The following TCAIM variants were observed in gnomAD, a reference collection of about 807,000 sequenced individuals.
TCAIM encodes T-cell activation inhibitor, mitochondrial.
TCAIM carries 36 observed loss-of-function variants against 58.6 expected under a neutral mutation model. The observed-to-expected ratio is 0.61, with a 90% CI of 0.47 to 0.81. The LOEUF (loss-of-function observed/expected upper bound fraction) is 0.81, where lower values mean the gene tolerates loss of function less well. TCAIM is among the 30% of genes least tolerant of loss of function. The pLI is 0.00. For synonymous variants in TCAIM, 172 were observed against 193.6 expected, an observed-to-expected ratio of 0.89 and a Z score of 0.93; for missense variants, 466 against 579.6, an observed-to-expected ratio of 0.80 and a Z score of 2.01.
At chr3:44,365,490 G>A (rs778958523) in intron 4 of TCAIM, among the ~76,000 whole-genome samples, 13 of 152,018 alleles carry the variant, frequency 8.6e-5, no homozygotes, top group Non-Finnish European at 1.6e-4. Context: ...CACCACACCC[G>A]CTAATTTTTG....
chr3:44,380,849 G>A (rs960116211), intron 5 of TCAIM, among the ~76,000 whole-genome samples: 1 of 152,010 alleles, frequency 6.6e-6, no homozygotes, highest in African/African-American at 2.4e-5. Flanking sequence ...CAGAAATAAA[G>A]ATTATAAGAG....
intron 5 of TCAIM, among the ~76,000 whole-genome samples, chr3:44,373,402 A>G (rs1701511047): frequency 6.6e-6 from 1 of 152,104 alleles, no homozygotes. Context: ...GTGGTGGGTC[A>G]CGCCTATAAT....
chr3:44,384,563 A>G (rs1226955022), intron 5 of TCAIM, among the ~76,000 whole-genome samples: 1 of 152,252 alleles, frequency 6.6e-6, no homozygotes, highest in East Asian at 1.9e-4. Flanking sequence ...GAACAAGTAT[A>G]CAGCCAATCA....
chr3:44,342,571 G>A (rs552638747), intron 1 of TCAIM, among the ~76,000 whole-genome samples: 1 of 151,814 alleles, frequency 6.6e-6, no homozygotes, highest in African/African-American at 2.4e-5. Context: ...TAGCTTTTTC[G>A]TTTATCCTAG....
At chr3:44,366,294 T>C (rs1701372580) in intron 4 of TCAIM, among the ~76,000 whole-genome samples, 2 of 151,472 alleles carry the variant, frequency 1.3e-5, no homozygotes, top group South Asian at 2.1e-4. Flanking sequence ...TCAGTAACTT[T>C]TTTTTTTTTT....
At chr3:44,401,435 C>A in intron 10 of TCAIM, 101 bp downstream of exon 10, 1 of 1,419,636 alleles carries the variant, frequency 7.0e-7, no homozygotes, top group Non-Finnish European at 9.5e-7. Flanking sequence ...CAGTATGAAG[C>A]TTAGGAAATT....
chr3:44,371,194 G>A (rs964073141), intron 5 of TCAIM, among the ~76,000 whole-genome samples: 5 of 151,752 alleles, frequency 3.3e-5, no homozygotes, highest in African/African-American at 7.3e-5. Context: ...TTACAGGCAT[G>A]AGCCACCGTG....
At chr3:44,369,536 C>T (rs1437382295) in intron 5 of TCAIM, among the ~76,000 whole-genome samples, 1 of 152,146 alleles carries the variant, frequency 6.6e-6, no homozygotes, top group East Asian at 1.9e-4. Context: ...GGACCTAGAA[C>T]TGGACTTAGA....
rs568814425 is a variant in TCAIM at position 44,408,607 on chromosome 3, A to T, written c.*925A>T. The stretch of plus-strand genomic sequence containing the variant: ...TTTTAATCATTTAGTGAGGTGATTC[A>T]TTTGTTTCATGGGCAAACACTATCC... On this transcript the variant is annotated 3_prime_UTR_variant, in exon 11 of 11. Coordinates refer to ENST00000342649, the MANE Select transcript of TCAIM (RefSeq NM_173826.4). 1 of 152,308 alleles carries T rather than the reference A, an allele frequency of 6.6e-6. No individual in the cohort carries two copies. The highest frequency in any genetic ancestry group is 1.5e-5 in the Non-Finnish European group (1 of 68,016). 9.4% of individuals were successfully genotyped at this position (152,308 alleles called of 1,614,324 possible). A position where few individuals can be genotyped will look rare whatever the true frequency, so the allele number is the denominator to read the frequency against.
intron 5 of TCAIM, among the ~76,000 whole-genome samples, chr3:44,391,551 C>A (rs1190243762): frequency 6.6e-6 from 1 of 152,114 alleles, no homozygotes; most frequent in Non-Finnish European, 1.5e-5. Context: ...CTAAGAAATA[C>A]AGGTTTAGAG....
At chr3:44,402,249 GAAAA>G (rs767810885) in intron 10 of TCAIM, among the ~76,000 whole-genome samples, 2 of 139,944 alleles carry the variant, frequency 1.4e-5, no homozygotes, top group African/African-American at 5.2e-5. Context: ...ATATGGTGGG[GAAAA>G]AAAAAAAAAA....
chr3:44,343,075 C>T (rs1354469940), intron 1 of TCAIM, among the ~76,000 whole-genome samples: 2 of 151,454 alleles, frequency 1.3e-5, no homozygotes, highest in African/African-American at 2.4e-5. Context: ...AGGCAGAGGT[C>T]GCAGTGAGCC....
chr3:44,359,077 TA>T, intron 3 of TCAIM: 2 of 983,188 alleles, frequency 2.0e-6, no homozygotes, highest in African/African-American at 1.7e-5. Context: ...TCTACCAATG[TA>T]TTTTTTTTAA....
At chr3:44,353,486 G>T in intron 1 of TCAIM, among the ~76,000 whole-genome samples, 1 of 152,180 alleles carries the variant, frequency 6.6e-6, no homozygotes, top group East Asian at 1.9e-4. Flanking sequence ...GTTTAGTTTT[G>T]TAAGAAATTG....
At chr3:44,392,287 G>A (rs1701850543) in intron 5 of TCAIM, among the ~76,000 whole-genome samples, 2 of 152,142 alleles carry the variant, frequency 1.3e-5, no homozygotes, top group South Asian at 4.1e-4. Flanking sequence ...TAACAGTGGG[G>A]CTGCTTTAAG....
chr3:44,406,340 G>C (rs529419079), intron 10 of TCAIM, among the ~76,000 whole-genome samples: 1 of 152,296 alleles, frequency 6.6e-6, no homozygotes, highest in South Asian at 2.1e-4. Flanking sequence ...TACAGAAAAA[G>C]TTACTCATCC....
chr3:44,366,556 C>T (rs1701379706), intron 4 of TCAIM, among the ~76,000 whole-genome samples: 1 of 151,252 alleles, frequency 6.6e-6, no homozygotes, highest in Non-Finnish European at 1.5e-5. Flanking sequence ...AGCTCCGCCT[C>T]CCGGGTTCAC....
chr3:44,367,794 TATAAATA>T, intron 5 of TCAIM, 86 bp downstream of exon 5: 1 of 1,336,498 alleles, frequency 7.5e-7, no homozygotes, highest in Non-Finnish European at 9.9e-7. Flanking sequence ...AACATTTTTT[TATAAATA>T]AAAAGTGTAG....
chr3:44,358,873 AT>A, intron 3 of TCAIM: 1 of 985,346 alleles, frequency 1.0e-6, no homozygotes, highest in Non-Finnish European at 1.2e-6. Flanking sequence ...TGGAAAATCT[AT>A]TTTGCTTTTT....
Sources: gnomAD v4.1 joint callset for allele counts (sites outside exome capture counted in the v4.1 genomes callset) on GRCh38, gnomAD v4.1.1 for gene constraint, MANE v1.5 for transcripts, NCBI Gene and HGNC (gene_info 2026-07-23, HGNC 2026-07-21) for gene names.